NHSL1: variants seen among roughly 807,000 people sequenced by gnomAD.
NHSL1 encodes NHS-like protein 1.
Under a neutral mutation model 95.0 loss-of-function variants are expected in NHSL1, and 48 were observed. That is an observed-to-expected ratio of 0.51 (90% CI 0.40 to 0.64). The LOEUF is 0.64. Ranked by LOEUF, NHSL1 falls within the 30% of genes least tolerant of loss-of-function variation. The pLI is 0.00. For synonymous variants in NHSL1, 783 were observed against 833.9 expected, an observed-to-expected ratio of 0.94 and a Z score of 1.05; for missense variants, 1,971 against 2,077.7, an observed-to-expected ratio of 0.95 and a Z score of 1.00.
intron 1 of NHSL1, among the ~76,000 whole-genome samples, chr6:138,665,252 T>C (rs1368615377): frequency 6.6e-6 from 1 of 152,222 alleles, no homozygotes; most frequent in African/African-American, 2.4e-5. Flanking sequence ...TTCTTTGCCA[T>C]TTTTCACTTC....
At chr6:138,493,686 C>T (rs1020421135) in intron 2 of NHSL1, among the ~76,000 whole-genome samples, 3 of 152,200 alleles carry the variant, frequency 2.0e-5, no homozygotes, top group Admixed American at 6.5e-5. Context: ...GGAACGGTGC[C>T]ATTTAACATT....
chr6:138,546,694 T>A (rs1367608294), upstream of NHSL1, among the ~76,000 whole-genome samples: 1 of 152,182 alleles, frequency 6.6e-6, no homozygotes, highest in Non-Finnish European at 1.5e-5. Context: ...TCTATGGCAA[T>A]GTCATTTTTT....
At chr6:138,429,016 G>A (rs1343473438) in intron 7 of NHSL1, among the ~76,000 whole-genome samples, 2 of 152,202 alleles carry the variant, frequency 1.3e-5, no homozygotes. Flanking sequence ...GATGCAGTAA[G>A]TAAAACTTCA....
chr6:138,601,157 A>G (rs1032876259), intron 1 of NHSL1, among the ~76,000 whole-genome samples: 1 of 152,224 alleles, frequency 6.6e-6, no homozygotes, highest in Non-Finnish European at 1.5e-5. Flanking sequence ...TTATCCCAGA[A>G]CTTTCTTCTA....
intron 1 of NHSL1, among the ~76,000 whole-genome samples, chr6:138,618,408 A>T (rs975148804): frequency 3.9e-5 from 6 of 152,236 alleles, no homozygotes; most frequent in Non-Finnish European, 5.9e-5. Context: ...CAATCTGTGG[A>T]CACTCATCAG....
Position 138,431,834 on chromosome 6 carries a change from CATG to C in NHSL1, c.2508_2510del (p.Ile836del). 1 of 1,551,710 alleles carries C rather than the reference CATG, an allele frequency of 6.4e-7. No homozygotes were observed. The highest frequency in any genetic ancestry group is 1.4e-5 in the African/African-American group (1 of 73,154). ...TGACTCTGTGTGACTTCTCTGGTGA[CATG>C]ATCTTTGGTTTGACTGAACCACCGG... is the stretch of plus-strand genomic sequence containing the variant. On this transcript the variant is annotated inframe_deletion, in exon 6 of 8. Transcript: ENST00000343505. The surrounding 1 kb of genome is among the most constrained non-coding windows in gnomAD (Gnocchi z 4.0).
chr6:138,499,986 G>A (rs1780587030), upstream of NHSL1, among the ~76,000 whole-genome samples: 1 of 152,012 alleles, frequency 6.6e-6, no homozygotes, highest in African/African-American at 2.4e-5. Flanking sequence ...AAATTAGGAT[G>A]CTCTGTCTTC....
chr6:138,545,188 C>T (rs960126168), intron 1 of NHSL1, among the ~76,000 whole-genome samples: 1 of 151,974 alleles, frequency 6.6e-6, no homozygotes, highest in Non-Finnish European at 1.5e-5. Context: ...ATTAATTTCA[C>T]TCCTAAGTTC....
chr6:138,632,278 C>G (rs1784829540), intron 1 of NHSL1, among the ~76,000 whole-genome samples: 1 of 152,206 alleles, frequency 6.6e-6, no homozygotes, highest in Admixed American at 6.5e-5. Flanking sequence ...TGGACCCATC[C>G]AGAGCCTGGG....
chr6:138,449,169 T>C (rs1312459855), intron 3 of NHSL1, among the ~76,000 whole-genome samples: 2 of 152,132 alleles, frequency 1.3e-5, no homozygotes, highest in African/African-American at 4.8e-5. Context: ...TAGGGCTCTA[T>C]AAATCTGAAA....
intron 1 of NHSL1, among the ~76,000 whole-genome samples, chr6:138,588,726 G>T (rs1353925599): frequency 6.6e-6 from 1 of 152,188 alleles, no homozygotes; most frequent in Non-Finnish European, 1.5e-5. Context: ...AACAGTTTGG[G>T]TGAAAAGAAA....
intron 1 of NHSL1, among the ~76,000 whole-genome samples, chr6:138,651,222 T>C (rs1054955714): frequency 4.6e-5 from 7 of 152,252 alleles, no homozygotes; most frequent in Non-Finnish European, 8.8e-5. Context: ...TTTTTCCATT[T>C]ATTATTTAAA....
In NHSL1 at chr6:138,451,418, T is replaced by TC. The variant is rs150796668; in HGVS notation, c.340-4226dup. ...TCTTTCTAATATTTTGTATCCCCTT[T>TC]CCCTGCTTTTTTTCTCTTTAGTACA... On this transcript the variant is annotated intron_variant, in intron 3 of 7. Transcript: ENST00000343505. 9.7e-3 allele frequency among the ~76,000 whole-genome samples: 1,477 copies of TC among 152,316 alleles called. 32 individuals carry two copies. The highest frequency in any genetic ancestry group is 0.034 in the African/African-American group (1,411 of 41,572).
At chr6:138,581,692 CAAAAAAAAAAAAA>C (rs1163761095) in intron 1 of NHSL1, among the ~76,000 whole-genome samples, 1 of 67,290 alleles carries the variant, frequency 1.5e-5, no homozygotes, top group South Asian at 5.7e-4. Context: ...ACTCCGTCTC[CAAAAAAAAAAAAA>C]AAAAAAAAAA....
rs564599391 is a variant in NHSL1 at position 138,561,893 on chromosome 6, C to T, written c.202+9817G>A. Among the ~76,000 whole-genome samples the T allele has an allele frequency of 1.8e-4, 27 of 152,298 alleles. No individual in the cohort carries two copies. The South Asian group carries it at 5.2e-3, about 29-fold the overall frequency. On this transcript the variant is annotated intron_variant, in intron 1 of 6. Coordinates refer to the NHSL1 transcript ENST00000427025. ...CCTAAATATCCAAAGCAAGATGCAG[C>T]CAGCACAGTAACGAATTTTAGCAAA...
chr6:138,439,492 G>GA, intron 5 of NHSL1, among the ~76,000 whole-genome samples: 2 of 152,126 alleles, frequency 1.3e-5, no homozygotes, highest in Middle Eastern at 6.8e-3. Context: ...AAAATACTGG[G>GA]AAAAAAGGCA....
At chr6:138,639,531 A>C (rs1361753267) in intron 1 of NHSL1, among the ~76,000 whole-genome samples, 1 of 151,880 alleles carries the variant, frequency 6.6e-6, no homozygotes, top group Non-Finnish European at 1.5e-5. Flanking sequence ...TAGCCCAGCT[A>C]CTCAGGAGGC....
At chr6:138,607,069 C>T (rs1382532372) in intron 1 of NHSL1, among the ~76,000 whole-genome samples, 2 of 152,104 alleles carry the variant, frequency 1.3e-5, no homozygotes, top group Non-Finnish European at 2.9e-5. Context: ...CCAGGTGCTA[C>T]CATCAAAACC....
At chr6:138,581,294 A>G (rs1179524362) in intron 1 of NHSL1, among the ~76,000 whole-genome samples, 3 of 152,204 alleles carry the variant, frequency 2.0e-5, no homozygotes, top group African/African-American at 4.8e-5. Context: ...ATTCCTTACC[A>G]GTCCTTTTTT....
Sources: allele counts gnomAD v4.1 joint callset (sites outside exome capture counted in the v4.1 genomes callset), GRCh38; gene constraint gnomAD v4.1.1; non-coding constraint Gnocchi (gnomAD v3.1); transcripts MANE v1.5; gene names NCBI Gene and HGNC (gene_info 2026-07-23, HGNC 2026-07-21).